PHTF2: variants seen among roughly 807,000 people sequenced by gnomAD.
PHTF2 encodes protein PHTF2.
A neutral mutation model predicts 101.2 loss-of-function variants in PHTF2; 60 were observed. That is an observed-to-expected ratio of 0.59 (90% CI 0.48 to 0.73). The LOEUF is 0.73. Ranked by LOEUF, PHTF2 falls within the 30% of genes least tolerant of loss-of-function variation. The pLI is 0.00. For missense variants in PHTF2, 747 were observed against 908.7 expected, an observed-to-expected ratio of 0.82 and a Z score of 2.29; for synonymous variants, 311 against 307.3, an observed-to-expected ratio of 1.01 and a Z score of -0.13.
At chr7:77,883,623 A>G (rs1465329515) in intron 3 of PHTF2, among the ~76,000 whole-genome samples, 5 of 152,178 alleles carry the variant, frequency 3.3e-5, no homozygotes, top group African/African-American at 9.6e-5. Context: ...TAGCAGCTCC[A>G]TTTTATCTAT....
At chr7:77,891,824 G>C (rs190039788) in intron 3 of PHTF2, among the ~76,000 whole-genome samples, 119 of 152,036 alleles carry the variant, frequency 7.8e-4, no homozygotes, top group Non-Finnish European at 1.3e-3. Context: ...GGGCTCAAGC[G>C]ATTCTCCCAC....
At chr7:77,841,008 T>A (rs1388238549) in intron 2 of PHTF2, among the ~76,000 whole-genome samples, 1 of 151,446 alleles carries the variant, frequency 6.6e-6, no homozygotes, top group African/African-American at 2.4e-5. Flanking sequence ...TACCTTATTC[T>A]TCAGGTCTCT....
chr7:77,816,720 C>T (rs1003213122), intron 1 of PHTF2, among the ~76,000 whole-genome samples: 1 of 152,214 alleles, frequency 6.6e-6, no homozygotes, highest in African/African-American at 2.4e-5. Flanking sequence ...TCTGATCTCT[C>T]TCTTCCTTAT....
intron 17 of PHTF2, among the ~76,000 whole-genome samples, chr7:77,950,979 G>C (rs1301234937): frequency 6.6e-6 from 1 of 152,210 alleles, no homozygotes; most frequent in Non-Finnish European, 1.5e-5. Flanking sequence ...CTGCCAGATT[G>C]GGGGTAAAGG....
At chr7:77,838,468 CTA>C (rs745590340) in intron 1 of PHTF2, among the ~76,000 whole-genome samples, 4 of 152,000 alleles carry the variant, frequency 2.6e-5, no homozygotes, top group Non-Finnish European at 5.9e-5. Context: ...CCTTAAACTG[CTA>C]TGTTTAAAAA....
rs991118479 is a variant in PHTF2 at position 77,954,793 on chromosome 7, T to C, written c.2338-65T>C. On this transcript the variant is annotated intron_variant, in intron 19 of 19. Transcript: ENST00000416283. Reference sequence around the variant, plus strand: ...AAATTTGAATTTAAAAATGGTGTTATATGATATAATTTAAGCTTTGATATT... The same window carrying C: ...AAATTTGAATTTAAAAATGGTGTTACATGATATAATTTAAGCTTTGATATT... The C allele has an allele frequency of 9.4e-6, 8 of 852,888 alleles. No homozygotes were observed. In the African/African-American group the frequency reaches 1.2e-4, roughly 13 times the overall value. The allele number at this position is 852,888 out of a possible 1,614,324, so 52.8% of individuals were successfully genotyped here. A position where few individuals can be genotyped will look rare whatever the true frequency, so the allele number is the denominator to read the frequency against.
At chr7:77,946,993 G>T (rs574983226) in intron 16 of PHTF2, among the ~76,000 whole-genome samples, 1 of 151,004 alleles carries the variant, frequency 6.6e-6, no homozygotes, top group South Asian at 2.1e-4. Context: ...GGTGACACAT[G>T]CCTGTGATCC....
At chr7:77,912,015 T>C (rs546922999) in intron 9 of PHTF2, among the ~76,000 whole-genome samples, 1 of 152,234 alleles carries the variant, frequency 6.6e-6, no homozygotes, top group African/African-American at 2.4e-5. Context: ...TTGGGAATCA[T>C]TCTTTTGTTT....
intron 12 of PHTF2, among the ~76,000 whole-genome samples, chr7:77,933,307 A>C (rs1804780625): frequency 6.6e-6 from 1 of 152,206 alleles, no homozygotes; most frequent in Non-Finnish European, 1.5e-5. Context: ...GGGATGATTG[A>C]AATGGTGGAT....
intron 9 of PHTF2, among the ~76,000 whole-genome samples, chr7:77,916,142 T>A (rs1233149662): frequency 6.6e-6 from 1 of 152,244 alleles, no homozygotes; most frequent in Non-Finnish European, 1.5e-5. Flanking sequence ...AAAATGCTTT[T>A]TATCTTGCAT....
intron 12 of PHTF2, among the ~76,000 whole-genome samples, chr7:77,936,305 A>G (rs1805123436): frequency 6.6e-6 from 1 of 152,150 alleles, no homozygotes; most frequent in African/African-American, 2.4e-5. Context: ...TCTTCTGTTC[A>G]TTGTTAGAAG....
At chr7:77,799,878 T>C (rs925831108) in intron 1 of PHTF2, among the ~76,000 whole-genome samples, 1 of 152,266 alleles carries the variant, frequency 6.6e-6, no homozygotes, top group Non-Finnish European at 1.5e-5. Flanking sequence ...TTAAATATTT[T>C]GTAGTTTTCG....
chr7:77,951,648 C>G, exon 18 of PHTF2: 4 of 1,466,650 alleles, frequency 2.7e-6, no homozygotes, highest in Non-Finnish European at 3.7e-6. Context: ...GAGAAAAAAC[C>G]TAACAAAAAG....
At chr7:77,806,505 A>T (rs1401423482) in intron 1 of PHTF2, among the ~76,000 whole-genome samples, 3 of 151,924 alleles carry the variant, frequency 2.0e-5, no homozygotes, top group Admixed American at 2.0e-4. Context: ...TTAACATGAT[A>T]TTTTTTTCCA....
intron 3 of PHTF2, among the ~76,000 whole-genome samples, chr7:77,861,627 A>T (rs1307315389): frequency 6.6e-6 from 1 of 152,196 alleles, no homozygotes; most frequent in African/African-American, 2.4e-5. Context: ...AGTTTGCAGA[A>T]TTGTAGGTAA....
At chr7:77,918,641 T>G (rs1423254629) in intron 9 of PHTF2, among the ~76,000 whole-genome samples, 2 of 152,208 alleles carry the variant, frequency 1.3e-5, no homozygotes, top group African/African-American at 4.8e-5. Context: ...AACTAATGTT[T>G]CTATCACTTT....
intron 3 of PHTF2, among the ~76,000 whole-genome samples, chr7:77,878,009 G>A (rs1799092340): frequency 6.6e-6 from 1 of 152,076 alleles, no homozygotes; most frequent in Non-Finnish European, 1.5e-5. Flanking sequence ...TCAGAGTATA[G>A]CAAGACTTCA....
At chr7:77,906,934 T>TA (rs10694050) in intron 7 of PHTF2, among the ~76,000 whole-genome samples, 17,785 of 118,808 alleles carry the variant, frequency 0.15, 1,666 homozygotes, top group African/African-American at 0.27. Flanking sequence ...TAATGGTAGC[T>TA]AAAAAAAAAA....
intron 1 of PHTF2, among the ~76,000 whole-genome samples, chr7:77,820,342 G>GT (rs1377214135): frequency 1.3e-5 from 2 of 150,208 alleles, no homozygotes; most frequent in Non-Finnish European, 3.0e-5. Context: ...ATAGTTGTAT[G>GT]TTTTTTTGTT....
Sources: allele counts gnomAD v4.1 joint callset (sites outside exome capture counted in the v4.1 genomes callset), GRCh38; gene constraint gnomAD v4.1.1; transcripts MANE v1.5; gene names NCBI Gene and HGNC (gene_info 2026-07-23, HGNC 2026-07-21).